The following USP28 variants were observed in gnomAD, a reference collection of about 807,000 sequenced individuals.
The protein encoded by USP28 is ubiquitin carboxyl-terminal hydrolase 28.
In USP28, 113 loss-of-function variants were observed where a neutral mutation model predicts 145.0. The ratio of observed to expected loss-of-function variants is 0.78; its 90% CI spans 0.67 to 0.91. USP28 has a LOEUF of 0.91. Among genes scored for constraint, USP28 ranks in the 40% least tolerant of loss-of-function variants. USP28 has a pLI of 0.00. For synonymous variants in USP28, 447 were observed against 450.9 expected, an observed-to-expected ratio of 0.99 and a Z score of 0.11; for missense variants, 1,201 against 1,289.6, an observed-to-expected ratio of 0.93 and a Z score of 1.05.
intron 3 of USP28, among the ~76,000 whole-genome samples, 162 bp downstream of exon 3, chr11:113,852,339 C>T (rs2428008): frequency 2.0e-5 from 3 of 152,190 alleles, no homozygotes; most frequent in African/African-American, 7.2e-5. Context: ...GAACTTTTTA[C>T]GTGCTTAGAA....
At chr11:113,859,497 C>T (rs1947416378) in intron 1 of USP28, 1 of 152,010 alleles carries the variant, frequency 6.6e-6, no homozygotes, top group African/African-American at 2.4e-5. Flanking sequence ...ACAAATTTCA[C>T]ATGCATTATT....
At chr11:113,842,421 T>TA (rs1347337785) in intron 3 of USP28, among the ~76,000 whole-genome samples, 1 of 151,860 alleles carries the variant, frequency 6.6e-6, no homozygotes, top group Non-Finnish European at 1.5e-5. Flanking sequence ...CCGTCTCTAC[T>TA]AAAAATACAA....
At chr11:113,850,581 ACCACCTCGC>A (rs1946346494) in intron 3 of USP28, among the ~76,000 whole-genome samples, 1 of 152,192 alleles carries the variant, frequency 6.6e-6, no homozygotes, top group Admixed American at 6.5e-5. Flanking sequence ...GTCCATTAAC[ACCACCTCGC>A]CTTCCTCCCA....
chr11:113,802,322 A>T (rs1287889298), intron 23 of USP28, among the ~76,000 whole-genome samples: 3 of 152,258 alleles, frequency 2.0e-5, no homozygotes, highest in African/African-American at 4.8e-5. Context: ...TGCCACACCT[A>T]TAACTAATAC....
chr11:113,834,286 A>C, exon 6 of USP28: 1 of 1,612,326 alleles, frequency 6.2e-7, no homozygotes, highest in Non-Finnish European at 8.5e-7. Flanking sequence ...ATTTTGTGGC[A>C]GACTATAACT....
chr11:113,851,619 A>T (rs921879388), intron 3 of USP28, among the ~76,000 whole-genome samples: 7 of 151,998 alleles, frequency 4.6e-5, no homozygotes, highest in African/African-American at 1.7e-4. Flanking sequence ...ACATGGTAAA[A>T]CCCCGTCTCT....
intron 3 of USP28, among the ~76,000 whole-genome samples, chr11:113,845,499 T>C (rs1416274343): frequency 6.6e-6 from 1 of 152,074 alleles, no homozygotes; most frequent in East Asian, 1.9e-4. Flanking sequence ...GAAAACAGTA[T>C]GGAAGCTATT....
At chr11:113,822,933 G>A (rs1370718906) in intron 12 of USP28, among the ~76,000 whole-genome samples, 1 of 152,136 alleles carries the variant, frequency 6.6e-6, no homozygotes, top group Non-Finnish European at 1.5e-5. Context: ...AGTAGGTGGA[G>A]GTGTGGTGGT....
Position 113,856,685 on chromosome 11 carries a change from C to G in USP28, c.58-2350G>C, listed in dbSNP as rs1185463272. Among the ~76,000 whole-genome samples the G allele has an allele frequency of 2.6e-5, 4 of 152,180 alleles. No homozygotes were observed. In the East Asian group the frequency reaches 7.7e-4, roughly 29 times the overall value. On this transcript the variant is annotated intron_variant, in intron 1 of 24. Coordinates refer to ENST00000003302, the Ensembl canonical transcript of USP28. Reference sequence around the variant, plus strand: ...ATCTAATGCAAAAAAACGCAAATATCTTATTCTTGTATGTTTTATTTATTT... The same window carrying G: ...ATCTAATGCAAAAAAACGCAAATATGTTATTCTTGTATGTTTTATTTATTT...
chr11:113,811,844 G>A (rs532446181), intron 16 of USP28, among the ~76,000 whole-genome samples: 196 of 151,932 alleles, frequency 1.3e-3, no homozygotes, highest in Admixed American at 3.5e-3. Flanking sequence ...TTAAAAATAC[G>A]TATATTCCAC....
At chr11:113,835,141 G>C in intron 5 of USP28, 1 of 391,092 alleles carries the variant, frequency 2.6e-6, no homozygotes, top group East Asian at 7.1e-5. Flanking sequence ...TTTAACAGCA[G>C]ATGGTAGAAC....
At chr11:113,808,985 C>A in intron 17 of USP28, 78 bp downstream of exon 17, 1 of 1,425,708 alleles carries the variant, frequency 7.0e-7, no homozygotes. Flanking sequence ...ACCTAGCCAG[C>A]TGAAGGGTAT....
intron 7 of USP28, among the ~76,000 whole-genome samples, chr11:113,833,016 G>C (rs1400232767): frequency 6.6e-6 from 1 of 152,166 alleles, no homozygotes; most frequent in Non-Finnish European, 1.5e-5. Context: ...CCTGAACTCA[G>C]GTTTAGATAG....
intron 16 of USP28, 66 bp downstream of exon 16, chr11:113,812,210 G>T: frequency 1.6e-6 from 2 of 1,237,730 alleles, no homozygotes; most frequent in Non-Finnish European, 1.2e-6. Context: ...AGCAGTACAA[G>T]ACTGTTCTTC....
intron 3 of USP28, among the ~76,000 whole-genome samples, chr11:113,842,671 A>G (rs1299791835): frequency 1.3e-5 from 2 of 152,118 alleles, no homozygotes; most frequent in Non-Finnish European, 2.9e-5. Flanking sequence ...TCACTATCTT[A>G]ACAGTTAAAA....
chr11:113,839,603 A>G (rs974235584), intron 5 of USP28, among the ~76,000 whole-genome samples: 2 of 151,820 alleles, frequency 1.3e-5, no homozygotes, highest in Non-Finnish European at 2.9e-5. Flanking sequence ...AAATGAAGAC[A>G]TTGCGCCAGG....
chr11:113,852,630 T>G, exon 3 of USP28: 1 of 1,614,072 alleles, frequency 6.2e-7, no homozygotes, highest in Non-Finnish European at 8.5e-7. Context: ...TCACCATTAC[T>G]GGCCTATGGG....
At chr11:113,829,425 A>T in intron 9 of USP28, 80 bp from the exon 10 acceptor site, 5 of 1,551,844 alleles carry the variant, frequency 3.2e-6, no homozygotes, top group Non-Finnish European at 3.5e-6. Flanking sequence ...CAGAGACAAC[A>T]TTTTAAATTC....
At chr11:113,831,126 T>C (rs779529536) in intron 8 of USP28, 183 bp from the exon 9 acceptor site, 1 of 617,854 alleles carries the variant, frequency 1.6e-6, no homozygotes, top group Non-Finnish European at 2.9e-6. Context: ...CTTTCGAGCA[T>C]TGTGCTAAAC....
Sources: gnomAD v4.1 joint callset for allele counts (sites outside exome capture counted in the v4.1 genomes callset) on GRCh38, gnomAD v4.1.1 for gene constraint, MANE v1.5 for transcripts, NCBI Gene and HGNC (gene_info 2026-07-23, HGNC 2026-07-21) for gene names.